The following UNC13C variants were observed in gnomAD, a reference collection of about 807,000 sequenced individuals.
UNC13C encodes protein unc-13 homolog C.
Under a neutral mutation model 245.4 loss-of-function variants are expected in UNC13C, and 174 were observed. That is an observed-to-expected ratio of 0.71 (90% confidence interval 0.63 to 0.80). The LOEUF is 0.80. UNC13C is among the 30% of genes least tolerant of loss of function. The pLI, the probability that UNC13C is intolerant of heterozygous loss-of-function variation, is 0.00. For synonymous variants in UNC13C, 992 were observed against 895.1 expected (o/e 1.11, Z -1.93); for missense variants, 2,829 against 2,602.9 (o/e 1.09, Z -1.89).
At chr15:54,207,173 T>G (rs2034741954) in intron 4 of UNC13C, among the ~76,000 whole-genome samples, 1 of 151,964 alleles carries the variant, frequency 6.6e-6, no homozygotes, top group Non-Finnish European at 1.5e-5. Flanking sequence ...ATTTGAATGT[T>G]GGTTGTTCCG....
At chr15:53,845,197 C>T in the UNC13C span, among the ~76,000 whole-genome samples, 1 of 151,672 alleles carries the variant, frequency 6.6e-6, no homozygotes, top group Non-Finnish European at 1.5e-5. Context: ...TGGTGGCATG[C>T]ACCTGTAGTT....
chr15:54,514,715 T>A (rs1156747219), intron 24 of UNC13C, among the ~76,000 whole-genome samples: 1 of 152,172 alleles, frequency 6.6e-6, no homozygotes, highest in African/African-American at 2.4e-5. Context: ...CTTCACAGAA[T>A]CAGCCTCTTT....
At chr15:54,450,770 C>G (rs923148313) in intron 19 of UNC13C, among the ~76,000 whole-genome samples, 1 of 152,126 alleles carries the variant, frequency 6.6e-6, no homozygotes, top group Non-Finnish European at 1.5e-5. Flanking sequence ...TGCACTGCGC[C>G]CACTGTCCTG....
the UNC13C span, among the ~76,000 whole-genome samples, chr15:53,945,674 G>C: frequency 6.6e-6 from 1 of 152,080 alleles, no homozygotes; most frequent in Non-Finnish European, 1.5e-5. Context: ...AAGTCAGGTA[G>C]CGTGATGCCA....
rs1452127080 is a variant in UNC13C at position 54,149,010 on chromosome 15, T to C, written c.3071+5326T>C. On this transcript the variant is annotated intron_variant, in intron 4 of 32. Coordinates refer to ENST00000260323, the MANE Select transcript of UNC13C (RefSeq NM_001080534.3). Reference sequence around the variant, plus strand: ...CAAGGAGGGACCTGGTGGGAGGTGATTGGATCATGGGGGGCAGTTTCCCCC... The same window carrying C: ...CAAGGAGGGACCTGGTGGGAGGTGACTGGATCATGGGGGGCAGTTTCCCCC... Among the ~76,000 whole-genome samples, 3 of 152,150 alleles carry C rather than the reference T, an allele frequency of 2.0e-5. 1 individual carries two copies. Among genetic ancestry groups the C allele is most frequent in the Middle Eastern group, 6.3e-3 (2 of 316 alleles).
chr15:54,337,636 A>G (rs1294532288), intron 16 of UNC13C, among the ~76,000 whole-genome samples: 1 of 152,226 alleles, frequency 6.6e-6, no homozygotes, highest in Admixed American at 6.5e-5. Context: ...CACCTTGATC[A>G]AGCATCATCT....
chr15:54,166,711 T>C (rs1245646421), intron 4 of UNC13C, among the ~76,000 whole-genome samples: 3 of 152,154 alleles, frequency 2.0e-5, no homozygotes, highest in Non-Finnish European at 4.4e-5. Flanking sequence ...CAAACAATTA[T>C]AAAATGAAAT....
chr15:54,128,286 T>C (rs1328776146), intron 2 of UNC13C, among the ~76,000 whole-genome samples: 1 of 152,204 alleles, frequency 6.6e-6, no homozygotes, highest in Non-Finnish European at 1.5e-5. Flanking sequence ...GGAAAAACAT[T>C]CTATGCTCAC....
At chr15:54,117,378 A>T (rs990991252) in intron 2 of UNC13C, among the ~76,000 whole-genome samples, 1 of 152,014 alleles carries the variant, frequency 6.6e-6, no homozygotes, top group Admixed American at 6.6e-5. Flanking sequence ...TGTTTTTCCA[A>T]TATTATCTTC....
chr15:54,131,371 T>G (rs574279715), intron 2 of UNC13C, among the ~76,000 whole-genome samples: 127 of 152,354 alleles, frequency 8.3e-4, no homozygotes, highest in African/African-American at 2.9e-3. Context: ...GGATATAATT[T>G]ATATTCCTTA....
intron 2 of UNC13C, among the ~76,000 whole-genome samples, chr15:54,062,291 C>G (rs1014608067): frequency 6.6e-6 from 1 of 150,960 alleles, no homozygotes; most frequent in Admixed American, 6.6e-5. Flanking sequence ...GCACTGCACT[C>G]CAGCCTGGAT....
chr15:53,903,235 T>C, the UNC13C span, among the ~76,000 whole-genome samples: 3 of 152,244 alleles, frequency 2.0e-5, no homozygotes, highest in African/African-American at 2.4e-5. Flanking sequence ...GATTTCAAGA[T>C]TGGCTTGATC....
intron 19 of UNC13C, among the ~76,000 whole-genome samples, chr15:54,449,083 A>C (rs572589497): frequency 3.3e-5 from 5 of 152,226 alleles, no homozygotes; most frequent in African/African-American, 7.2e-5. Flanking sequence ...TCTTTTCTTT[A>C]AGAATGTTGA....
chr15:53,864,121 C>G, the UNC13C span, among the ~76,000 whole-genome samples: 1 of 152,200 alleles, frequency 6.6e-6, no homozygotes, highest in Non-Finnish European at 1.5e-5. Context: ...TCTTCACCCA[C>G]ATAAATGACC....
the UNC13C span, among the ~76,000 whole-genome samples, chr15:53,849,019 T>C: frequency 1.3e-5 from 2 of 151,886 alleles, no homozygotes; most frequent in African/African-American, 4.8e-5. Context: ...TACATTTTTA[T>C]ATTTAAAGTG....
At chr15:54,145,376 G>A (rs905281918) in intron 4 of UNC13C, among the ~76,000 whole-genome samples, 14 of 152,008 alleles carry the variant, frequency 9.2e-5, no homozygotes, top group South Asian at 2.1e-4. Flanking sequence ...TATATGTATC[G>A]TTTTTATTTT....
At chr15:54,578,173 A>G (rs1468514817) in intron 30 of UNC13C, among the ~76,000 whole-genome samples, 1 of 152,222 alleles carries the variant, frequency 6.6e-6, no homozygotes, top group African/African-American at 2.4e-5. Context: ...AAAGTTTAAG[A>G]GTTCTCACAG....
intron 2 of UNC13C, among the ~76,000 whole-genome samples, chr15:54,129,801 G>C (rs11071045): frequency 0.56 from 84,348 of 150,802 alleles, 24,417 homozygotes; most frequent in Non-Finnish European, 0.64. Context: ...TTTTCTTAGT[G>C]CTGCTTAAGA....
chr15:54,588,514 T>C (rs1297446587), intron 30 of UNC13C, among the ~76,000 whole-genome samples: 3 of 152,180 alleles, frequency 2.0e-5, no homozygotes. Flanking sequence ...TTCTTTTTTT[T>C]CCATAAGTTA....
Sources: allele counts gnomAD v4.1 joint callset (sites outside exome capture counted in the v4.1 genomes callset), GRCh38; gene constraint gnomAD v4.1.1; transcripts MANE v1.5; gene names NCBI Gene and HGNC (gene_info 2026-07-23, HGNC 2026-07-21).